FGGY: variants seen among roughly 807,000 people sequenced by gnomAD.
FGGY encodes FGGY carbohydrate kinase domain containing, also known as FGGY carbohydrate kinase domain-containing protein.
A neutral mutation model predicts 71.3 loss-of-function variants in FGGY; 72 were observed. That is an observed-to-expected ratio of 1.01 (90% CI 0.84 to 1.23). The LOEUF is 1.23. Among genes scored for constraint, FGGY ranks in the 50% most tolerant of loss-of-function variants. FGGY has a pLI of 0.00. For synonymous variants in FGGY, 251 were observed against 250.3 expected (o/e 1.00, Z -0.02); for missense variants, 668 against 682.3 (o/e 0.98, Z 0.23).
intron 13 of FGGY, among the ~76,000 whole-genome samples, chr1:59,669,987 A>G (rs2097363284): frequency 6.6e-6 from 1 of 151,140 alleles, no homozygotes; most frequent in Admixed American, 6.6e-5. Context: ...AGGCTGTTGA[A>G]TGAAAAGGCT....
intron 8 of FGGY, among the ~76,000 whole-genome samples, chr1:59,557,278 A>G (rs1008785171): frequency 2.6e-5 from 4 of 152,204 alleles, no homozygotes; most frequent in Non-Finnish European, 4.4e-5. Flanking sequence ...GGTTTTCAGC[A>G]TGATCTGAAG....
At chr1:59,436,562 GAAATGAATAAATGAATAAAT>G (rs2068520374) in intron 5 of FGGY, among the ~76,000 whole-genome samples, 2 of 152,162 alleles carry the variant, frequency 1.3e-5, no homozygotes, top group Non-Finnish European at 2.9e-5. Flanking sequence ...GTTTGTCAAG[GAAATGAATAAATGAATAAAT>G]AAATGAATAA....
At chr1:59,384,986 G>C (rs1305062963) in intron 5 of FGGY, among the ~76,000 whole-genome samples, 2 of 152,126 alleles carry the variant, frequency 1.3e-5, no homozygotes, top group Non-Finnish European at 2.9e-5. Flanking sequence ...ATTATTTTGG[G>C]AGGCTTTGGG....
At chr1:59,485,518 A>G (rs2153575360) in intron 6 of FGGY, among the ~76,000 whole-genome samples, 1 of 152,328 alleles carries the variant, frequency 6.6e-6, no homozygotes, top group South Asian at 2.1e-4. Flanking sequence ...TGGAACTTCC[A>G]TACCAGCCTT....
chr1:59,395,225 A>G (rs1314530552), intron 5 of FGGY, among the ~76,000 whole-genome samples: 1 of 152,096 alleles, frequency 6.6e-6, no homozygotes, highest in East Asian at 1.9e-4. Flanking sequence ...CCCGGTACAG[A>G]GTGCATGACA....
chr1:59,588,664 C>G (rs2096362884), intron 8 of FGGY, among the ~76,000 whole-genome samples: 1 of 152,144 alleles, frequency 6.6e-6, no homozygotes, highest in South Asian at 2.1e-4. Context: ...AATTTTCAAT[C>G]CAGAATTTCA....
chr1:59,432,958 T>C (rs563402081), intron 5 of FGGY, among the ~76,000 whole-genome samples: 54 of 152,360 alleles, frequency 3.5e-4, no homozygotes, highest in African/African-American at 1.2e-3. Context: ...CCAGTCACAC[T>C]AAATGCCAGT....
rs1038222230 is a variant in FGGY at position 59,615,734 on chromosome 1, T to C, written c.1011+7824T>C. On this transcript the variant is annotated intron_variant, in intron 9 of 15. Coordinates refer to ENST00000303721, the MANE Select transcript of FGGY (RefSeq NM_018291.5). Reference sequence around the variant, plus strand: ...AGCCTACAGAATGGGAGAAAATTTTTGCAATCTACTCATCTGACAAAGGGC... The same window carrying C: ...AGCCTACAGAATGGGAGAAAATTTTCGCAATCTACTCATCTGACAAAGGGC... Among the ~76,000 whole-genome samples, 109 of 152,216 alleles carry C rather than the reference T, an allele frequency of 7.2e-4. 1 individual carries two copies. Among genetic ancestry groups the C allele is most frequent in the Non-Finnish European group, 1.3e-4 (9 of 68,018 alleles).
At chr1:59,674,830 A>G (rs2097420729) in intron 14 of FGGY, among the ~76,000 whole-genome samples, 1 of 152,184 alleles carries the variant, frequency 6.6e-6, no homozygotes, top group African/African-American at 2.4e-5. Flanking sequence ...GTGCTAAAAT[A>G]ATACAAGGTA....
At chr1:59,760,354 C>T (rs758672288) in intron 15 of FGGY, among the ~76,000 whole-genome samples, 1 of 152,154 alleles carries the variant, frequency 6.6e-6, no homozygotes. Flanking sequence ...GAGAATGTAA[C>T]ATAGTATCGC....
intron 5 of FGGY, among the ~76,000 whole-genome samples, chr1:59,447,150 A>G (rs1252546454): frequency 1.3e-5 from 2 of 152,148 alleles, no homozygotes; most frequent in Admixed American, 1.3e-4. Flanking sequence ...TTCAGTAACT[A>G]TTTTCTGATT....
At chr1:59,615,794 T>C (rs1466479038) in intron 9 of FGGY, among the ~76,000 whole-genome samples, 1 of 151,776 alleles carries the variant, frequency 6.6e-6, no homozygotes, top group Non-Finnish European at 1.5e-5. Flanking sequence ...TCAAACAAAT[T>C]CACAAGAATA....
In FGGY at chr1:59,591,317, A is replaced by G. The variant is rs2096431800; in HGVS notation, c.904-16486A>G. ...ATATAAACAAATGGAAGAACATTCCATGCTCATGGGTAGGAAGAATCAGTA... is the reference window on the plus strand; with the variant it reads ...ATATAAACAAATGGAAGAACATTCCGTGCTCATGGGTAGGAAGAATCAGTA... On this transcript the variant is annotated intron_variant, in intron 8 of 15. Transcript: ENST00000303721. Among the ~76,000 whole-genome samples, 2 of 152,346 alleles carry G rather than the reference A, an allele frequency of 1.3e-5. 1 individual carries two copies. Among genetic ancestry groups the G allele is most frequent in the East Asian group, 3.9e-4 (2 of 5,186 alleles).
At chr1:59,438,057 A>T (rs2068873956) in intron 5 of FGGY, among the ~76,000 whole-genome samples, 1 of 152,186 alleles carries the variant, frequency 6.6e-6, no homozygotes, top group South Asian at 2.1e-4. Context: ...ACTGCTACTG[A>T]TAGTAGCTAT....
At chr1:59,446,073 G>A (rs2071168174) in intron 5 of FGGY, among the ~76,000 whole-genome samples, 2 of 152,100 alleles carry the variant, frequency 1.3e-5, no homozygotes, top group African/African-American at 4.8e-5. Flanking sequence ...ATAATGCCTG[G>A]CGTATAATAG....
intron 7 of FGGY, among the ~76,000 whole-genome samples, chr1:59,523,717 A>G (rs1352269496): frequency 3.9e-5 from 6 of 152,166 alleles, no homozygotes; most frequent in African/African-American, 1.4e-4. Flanking sequence ...GCTTTGTACT[A>G]TGACTCTGAT....
intron 14 of FGGY, among the ~76,000 whole-genome samples, chr1:59,718,570 T>G (rs755548849): frequency 6.6e-5 from 10 of 152,184 alleles, no homozygotes; most frequent in African/African-American, 9.7e-5. Flanking sequence ...CTACCACCAG[T>G]GGCATAGCAG....
At chr1:59,372,430 CA>C (rs907489408) in intron 4 of FGGY, among the ~76,000 whole-genome samples, 1 of 152,126 alleles carries the variant, frequency 6.6e-6, no homozygotes, top group African/African-American at 2.4e-5. Context: ...GCTTACCAAC[CA>C]AAAAGAGTCC....
At chr1:59,663,792 A>C (rs1572852920) in intron 12 of FGGY, among the ~76,000 whole-genome samples, 1 of 152,158 alleles carries the variant, frequency 6.6e-6, no homozygotes, top group Non-Finnish European at 1.5e-5. Context: ...CATTTTAATG[A>C]GGTATTCTGA....
Sources: allele counts gnomAD v4.1 joint callset (sites outside exome capture counted in the v4.1 genomes callset), GRCh38; gene constraint gnomAD v4.1.1; transcripts MANE v1.5; gene names NCBI Gene and HGNC (gene_info 2026-07-23, HGNC 2026-07-21).